Variants in FOXJ3 observed in about 807,000 individuals in gnomAD.
FOXJ3 encodes forkhead box protein J3.
A neutral mutation model predicts 76.1 loss-of-function variants in FOXJ3; 22 were observed. That is an observed-to-expected ratio of 0.29 (90% CI 0.21 to 0.41). The LOEUF is 0.41. Among genes scored for constraint, FOXJ3 ranks in the 10% least tolerant of loss-of-function variants. FOXJ3 has a pLI of 1.00. For missense variants in FOXJ3, 613 were observed against 762.1 expected (o/e 0.80, Z 2.30); for synonymous variants, 269 against 261.2 (o/e 1.03, Z -0.29).
chr1:42,197,908 G>C (rs1311878977), intron 7 of FOXJ3, among the ~76,000 whole-genome samples: 1 of 151,976 alleles, frequency 6.6e-6, no homozygotes, highest in African/African-American at 2.4e-5. Context: ...AAAGTACTGG[G>C]ATTACAGGTA....
chr1:42,296,474 T>C (rs571590568), intron 2 of FOXJ3, among the ~76,000 whole-genome samples: 11 of 152,390 alleles, frequency 7.2e-5, no homozygotes, highest in African/African-American at 2.6e-4. Context: ...GAGTTAATTT[T>C]CATACATGGT....
chr1:42,177,960 T>C lies in FOXJ3; in HGVS notation c.*1750A>G, dbSNP rs1263197050. On this transcript the variant is annotated 3_prime_UTR_variant, in exon 13 of 13. Transcript: ENST00000361346. ...TACTCTTTGACTTGATGGAATATAT[T>C]TCCCCATTAGAACTGACACTTTTTG... 1 of 152,502 alleles carries C rather than the reference T, an allele frequency of 6.6e-6. No individual in the cohort carries two copies. The highest frequency in any genetic ancestry group is 1.9e-4 in the East Asian group (1 of 5,180). The allele number at this position is 152,502 out of a possible 1,614,324, so 9.4% of individuals were successfully genotyped here.
chr1:42,245,499 T>C (rs902822195), intron 4 of FOXJ3, among the ~76,000 whole-genome samples: 7 of 152,162 alleles, frequency 4.6e-5, no homozygotes, highest in African/African-American at 1.2e-4. Context: ...ACCCCAGGGA[T>C]AGAAGAATGG....
chr1:42,245,434 A>G (rs1331109597), intron 4 of FOXJ3, among the ~76,000 whole-genome samples: 1 of 152,180 alleles, frequency 6.6e-6, no homozygotes, highest in African/African-American at 2.4e-5. Context: ...AAATATTAGC[A>G]AACCAAATCT....
intron 4 of FOXJ3, among the ~76,000 whole-genome samples, chr1:42,235,368 C>T (rs1015043031): frequency 1.3e-5 from 2 of 152,180 alleles, no homozygotes; most frequent in African/African-American, 2.4e-5. Flanking sequence ...GGTAATGCCT[C>T]GCCCTGCTTC....
chr1:42,305,756 G>C (rs1271247353), intron 2 of FOXJ3, among the ~76,000 whole-genome samples: 1 of 152,044 alleles, frequency 6.6e-6, no homozygotes, highest in Admixed American at 6.6e-5. Flanking sequence ...TGGTTAACGG[G>C]TACAAAAAAA....
rs546161219 is a variant in FOXJ3 at position 42,177,165 on chromosome 1, A to G, written c.*2545T>C. On this transcript the variant is annotated 3_prime_UTR_variant, in exon 13 of 13. Coordinates refer to ENST00000361346, the MANE Select transcript of FOXJ3 (RefSeq NM_014947.5). ...AACCCTGTCTGGCCAGGGCCCACAG[A>G]AAAGGCCTGTCCTGGGCTCCTGGAC... is the stretch of plus-strand genomic sequence containing the variant. 2 of 152,654 alleles carry G rather than the reference A, an allele frequency of 1.3e-5. No individual in the cohort carries two copies. Among genetic ancestry groups the G allele is most frequent in the African/African-American group, 4.8e-5 (2 of 41,458 alleles). The allele number at this position is 152,654 out of a possible 1,614,324, so 9.5% of individuals were successfully genotyped here.
At chr1:42,295,753 C>T (rs965876181) in intron 2 of FOXJ3, among the ~76,000 whole-genome samples, 6 of 152,048 alleles carry the variant, frequency 3.9e-5, no homozygotes, top group Non-Finnish European at 7.4e-5. Flanking sequence ...GGTCTTGACT[C>T]CTGACCTCAG....
chr1:42,297,283 C>T (rs1179728323), intron 2 of FOXJ3, among the ~76,000 whole-genome samples: 2 of 152,172 alleles, frequency 1.3e-5, no homozygotes, highest in East Asian at 3.8e-4. Context: ...CCTAATTGCT[C>T]TGGCTAGGAT....
At chr1:42,281,061 A>C (rs1652673386) in intron 2 of FOXJ3, among the ~76,000 whole-genome samples, 1 of 152,158 alleles carries the variant, frequency 6.6e-6, no homozygotes, top group Admixed American at 6.6e-5. Flanking sequence ...CCTACTGAGA[A>C]CCATCTTTGC....
At chr1:42,262,560 G>A (rs371593185) in intron 4 of FOXJ3, among the ~76,000 whole-genome samples, 9 of 152,028 alleles carry the variant, frequency 5.9e-5, no homozygotes, top group Admixed American at 4.6e-4. Flanking sequence ...TTTAAACCTC[G>A]CTTTGTGGCC....
intron 4 of FOXJ3, among the ~76,000 whole-genome samples, chr1:42,255,599 G>A (rs1425863633): frequency 1.3e-5 from 2 of 152,138 alleles, no homozygotes; most frequent in Admixed American, 1.3e-4. Flanking sequence ...CCAGAGAAAC[G>A]CTTTAAACAC....
chr1:42,242,252 T>C (rs1256299998), intron 4 of FOXJ3, among the ~76,000 whole-genome samples: 7 of 149,890 alleles, frequency 4.7e-5, no homozygotes, highest in Non-Finnish European at 7.4e-5. Flanking sequence ...TCTCCAACAA[T>C]AGATTCCAAT....
intron 6 of FOXJ3, among the ~76,000 whole-genome samples, chr1:42,202,829 C>T (rs1646788132): frequency 6.6e-6 from 1 of 152,144 alleles, no homozygotes; most frequent in African/African-American, 2.4e-5. Flanking sequence ...AGCCACCACA[C>T]CCAGTCCAAA....
chr1:42,281,020 A>C (rs1011684714), intron 2 of FOXJ3, among the ~76,000 whole-genome samples: 1 of 152,194 alleles, frequency 6.6e-6, no homozygotes, highest in African/African-American at 2.4e-5. Flanking sequence ...GCATATTACA[A>C]ATTGGAATAT....
At chr1:42,199,657 G>T (rs571887153) in intron 6 of FOXJ3, among the ~76,000 whole-genome samples, 1 of 151,384 alleles carries the variant, frequency 6.6e-6, no homozygotes, top group African/African-American at 2.4e-5. Context: ...AAAATCACAG[G>T]CATCACAGTA....
intron 4 of FOXJ3, among the ~76,000 whole-genome samples, chr1:42,239,763 G>T (rs980705633): frequency 6.6e-6 from 1 of 152,074 alleles, no homozygotes; most frequent in Non-Finnish European, 1.5e-5. Context: ...AGTCATCTCT[G>T]CTCCACAATC....
intron 3 of FOXJ3, among the ~76,000 whole-genome samples, chr1:42,269,244 G>GAAA: frequency 6.6e-6 from 1 of 152,118 alleles, no homozygotes; most frequent in South Asian, 2.1e-4. Context: ...AATAAGACAT[G>GAAA]AAAAAAGAAA....
intron 4 of FOXJ3, among the ~76,000 whole-genome samples, chr1:42,246,721 T>C (rs1649582523): frequency 6.6e-6 from 1 of 151,716 alleles, no homozygotes; most frequent in South Asian, 2.1e-4. Flanking sequence ...AATCATTATA[T>C]CAAAGGGATA....
Sources: gnomAD v4.1 joint callset for allele counts (sites outside exome capture counted in the v4.1 genomes callset) on GRCh38, gnomAD v4.1.1 for gene constraint, MANE v1.5 for transcripts, NCBI Gene and HGNC (gene_info 2026-07-23, HGNC 2026-07-21) for gene names.